Variants in ADAMTS9 observed in about 807,000 individuals in gnomAD.
ADAMTS9 encodes the protein ADAM metallopeptidase with thrombospondin type 1 motif 9.
In ADAMTS9, 107 loss-of-function variants were observed where a neutral mutation model predicts 257.1. The ratio of observed to expected loss-of-function variants is 0.42; its 90% CI spans 0.36 to 0.49. The LOEUF (loss-of-function observed/expected upper bound fraction) is 0.49. Ranked by LOEUF, ADAMTS9 falls within the 20% of genes least tolerant of loss-of-function variation. The pLI is 0.03. For missense variants in ADAMTS9, 2,353 were observed against 2,469.1 expected, an observed-to-expected ratio of 0.95 and a Z score of 1.00; for synonymous variants, 982 against 880.9, an observed-to-expected ratio of 1.11 and a Z score of -2.03.
intron 26 of ADAMTS9, among the ~76,000 whole-genome samples, chr3:64,599,640 G>A (rs527822485): frequency 6.6e-6 from 1 of 152,168 alleles, no homozygotes; most frequent in Non-Finnish European, 1.5e-5. Flanking sequence ...TGAATCCTCA[G>A]CAGAATAACT....
In ADAMTS9 at chr3:64,633,881, T is replaced by A; in HGVS notation, c.1857-2A>T. 6.2e-7 allele frequency: 1 copy of A among 1,608,578 alleles called. No homozygotes were observed. Among genetic ancestry groups the A allele is most frequent in the Non-Finnish European group, 8.5e-7 (1 of 1,178,052 alleles). On this transcript the variant is annotated splice_acceptor_variant, in intron 12 of 39. Coordinates refer to ENST00000498707, the MANE Select transcript of ADAMTS9 (RefSeq NM_182920.2). LOFTEE classifies it high-confidence loss of function. ...CAGTATTTTCCACCATTTTTTGGTC[T>A]GAAAAAGAAAAAATGTGAAGAGCAC...
rs1399977957 is a variant in ADAMTS9 at position 64,670,457 on chromosome 3, C to T, written c.679+10744G>A. Among the ~76,000 whole-genome samples the T allele has an allele frequency of 2.6e-5, 4 of 152,162 alleles. No homozygotes were observed. The East Asian group carries it at 5.8e-4, about 22-fold the overall frequency. On this transcript the variant is annotated intron_variant, in intron 3 of 39. Coordinates refer to ENST00000498707, the MANE Select transcript of ADAMTS9 (RefSeq NM_182920.2). ...TGGGCAAGCTCTATACTGCATGCTCCACTATACTTTCTTGCTATGTAGTTC... is the reference window on the plus strand; with the variant it reads ...TGGGCAAGCTCTATACTGCATGCTCTACTATACTTTCTTGCTATGTAGTTC...
Position 64,686,912 on chromosome 3 carries a change from C to A in ADAMTS9, c.172G>T (p.Ala58Ser), listed in dbSNP as rs750000577. ...YEIVSPIRVNALGEPFPTNVH... is the reference protein window; with the variant it reads ...YEIVSPIRVNSLGEPFPTNVH... ...TTCGTGGGAAAGGGTTCTCCGAGAG[C>A]GTTCACTCGGATGGGAGACACGATT... Residue 58 changes from alanine to serine, a missense_variant, in exon 2 of 40, where the codon GCT becomes TCT. Physicochemically the swap from Ala to Ser is moderately conservative, Grantham distance 99. This residue lies in a region of ADAMTS9 where 591 missense variants were observed against 569.6 expected (regional missense o/e 1.04). Coordinates refer to ENST00000498707, the MANE Select transcript of ADAMTS9 (RefSeq NM_182920.2). This position sits in a 1 kb window ranked among gnomAD's most constrained non-coding sequence, Gnocchi z 4.6. 5 of 1,614,002 alleles carry A rather than the reference C, an allele frequency of 3.1e-6. No homozygotes were observed. Among genetic ancestry groups the A allele is most frequent in the Non-Finnish European group, 4.2e-6 (5 of 1,180,014 alleles).
At chr3:64,557,161 G>A (rs1222990938) in intron 30 of ADAMTS9, among the ~76,000 whole-genome samples, 1 of 152,100 alleles carries the variant, frequency 6.6e-6, no homozygotes, top group African/African-American at 2.4e-5. Flanking sequence ...GATAAGAAAG[G>A]GTGACTGAGG....
chr3:64,599,156 A>G (rs1297531816), intron 26 of ADAMTS9, among the ~76,000 whole-genome samples: 1 of 152,088 alleles, frequency 6.6e-6, no homozygotes, highest in African/African-American at 2.4e-5. Flanking sequence ...AGCTATCTGA[A>G]TCCTGAGCCT....
Position 64,687,502 on chromosome 3 carries a change from C to G in ADAMTS9, c.115+41G>C, listed in dbSNP as rs999857335. On this transcript the variant is annotated intron_variant, in intron 1 of 39. Transcript: ENST00000498707. This position sits in a 1 kb window ranked among gnomAD's most constrained non-coding sequence, Gnocchi z 4.4. The stretch of plus-strand genomic sequence containing the variant: ...CCCAGGAGCGAGGACCGGGAGGCGG[C>G]GTCGGGGCCGGCGGGGTCCCGGGGG... 3.4e-6 allele frequency: 5 copies of G among 1,460,558 alleles called. No individual in the cohort carries two copies. The highest frequency in any genetic ancestry group is 4.6e-6 in the Non-Finnish European group (5 of 1,088,692). 90.5% of individuals were successfully genotyped at this position (1,460,558 alleles called of 1,614,324 possible).
At chr3:64,563,262 G>C (rs2083459873) in intron 29 of ADAMTS9, 1 of 152,096 alleles carries the variant, frequency 6.6e-6, no homozygotes, top group Non-Finnish European at 1.5e-5. Context: ...ACATGATAGA[G>C]TTACCCCATA....
intron 29 of ADAMTS9, among the ~76,000 whole-genome samples, chr3:64,566,175 A>G (rs1343940999): frequency 6.6e-6 from 1 of 152,198 alleles, no homozygotes; most frequent in Non-Finnish European, 1.5e-5. Flanking sequence ...CTTGCTTACT[A>G]TCACAGTCTT....
intron 32 of ADAMTS9, among the ~76,000 whole-genome samples, chr3:64,545,663 C>T (rs1050042267): frequency 2.6e-5 from 4 of 152,020 alleles, no homozygotes; most frequent in African/African-American, 4.8e-5. Context: ...ATATAAATGA[C>T]GAGTTAATAG....
Position 64,541,215 on chromosome 3 carries a change from T to C in ADAMTS9, c.5401A>G (p.Thr1801Ala). The change falls in exon 36 of 40, where the codon ACA (threonine) becomes GCA (alanine). Residue 1801 changes from threonine (T) to alanine (A), a missense_variant. Transcript: ENST00000498707. Reference sequence around the variant, plus strand: ...CGGCTCCCGTTATAGGGACATTCTGTTGGGTTGTGTAACCTAAATTATACA... The same window carrying C: ...CGGCTCCCGTTATAGGGACATTCTGCTGGGTTGTGTAACCTAAATTATACA... ...EVYGHRLHNP[T>A]ECPYNGSRRD... The C allele has an allele frequency of 6.2e-7, 1 of 1,614,208 alleles. No homozygotes were observed. The highest frequency in any genetic ancestry group is 8.5e-7 in the Non-Finnish European group (1 of 1,180,034).
intron 20 of ADAMTS9, among the ~76,000 whole-genome samples, 194 bp downstream of exon 20, chr3:64,615,766 C>A (rs1238889055): frequency 1.3e-5 from 2 of 152,154 alleles, no homozygotes; most frequent in Non-Finnish European, 2.9e-5. Context: ...AATTTCCACA[C>A]GTCATGCCCA....
At chr3:64,602,890 G>A (rs145858086) in intron 25 of ADAMTS9, among the ~76,000 whole-genome samples, 45 of 152,192 alleles carry the variant, frequency 3.0e-4, no homozygotes, top group African/African-American at 1.1e-3. Context: ...ATGAAGGTAG[G>A]GGCTTTATTA....
At chr3:64,537,454 G>C (rs1238507710) in intron 37 of ADAMTS9, among the ~76,000 whole-genome samples, 2 of 152,216 alleles carry the variant, frequency 1.3e-5, no homozygotes, top group African/African-American at 4.8e-5. Context: ...AAAAGTTTTT[G>C]ATTCCTGGGT....
chr3:64,646,367 T>C (rs1576156571), intron 11 of ADAMTS9, among the ~76,000 whole-genome samples: 1 of 152,206 alleles, frequency 6.6e-6, no homozygotes, highest in African/African-American at 2.4e-5. Context: ...CAATTTTTAA[T>C]GGCTGCCATG....
chr3:64,642,568 G>A (rs760693456), intron 11 of ADAMTS9, among the ~76,000 whole-genome samples: 8 of 152,134 alleles, frequency 5.3e-5, no homozygotes, highest in African/African-American at 1.7e-4. Context: ...TGTTACTAGC[G>A]GTTTCAGATT....
intron 32 of ADAMTS9, among the ~76,000 whole-genome samples, chr3:64,543,804 A>G (rs994174344): frequency 6.6e-6 from 1 of 152,340 alleles, no homozygotes; most frequent in African/African-American, 2.4e-5. Flanking sequence ...AGGGTATTCA[A>G]TCAGGAAAAG....
At chr3:64,559,570 G>A (rs971251363) in intron 30 of ADAMTS9, among the ~76,000 whole-genome samples, 5 of 152,180 alleles carry the variant, frequency 3.3e-5, no homozygotes, top group African/African-American at 1.2e-4. Flanking sequence ...CTTAAATAGA[G>A]GCCCAGGCCA....
At chr3:64,621,844 T>G (rs2106863773) in intron 18 of ADAMTS9, among the ~76,000 whole-genome samples, 1 of 151,276 alleles carries the variant, frequency 6.6e-6, no homozygotes, top group African/African-American at 2.4e-5. Context: ...GGATTTGGCC[T>G]GCTGGCTGTG....
intron 22 of ADAMTS9, among the ~76,000 whole-genome samples, chr3:64,609,842 A>G (rs1195168212): frequency 6.6e-6 from 1 of 152,204 alleles, no homozygotes; most frequent in African/African-American, 2.4e-5. Flanking sequence ...GAAAAAGAAC[A>G]AAGCTGGGGG....
Sources: allele counts gnomAD v4.1 joint callset (sites outside exome capture counted in the v4.1 genomes callset), GRCh38; gene constraint gnomAD v4.1.1; regional missense constraint gnomAD v4.1.1; non-coding constraint Gnocchi (gnomAD v3.1); transcripts MANE v1.5; gene names NCBI Gene and HGNC (gene_info 2026-07-23, HGNC 2026-07-21).